Variants in NBEA observed in about 807,000 individuals in gnomAD.
NBEA encodes neurobeachin, also known as lysosomal-trafficking regulator 2.
In NBEA, 44 loss-of-function variants were observed where a neutral mutation model predicts 343.4. The ratio of observed to expected loss-of-function variants is 0.13; its 90% CI spans 0.10 to 0.16. NBEA has a LOEUF of 0.16. NBEA is among the 10% of genes least tolerant of loss of function. The pLI is 1.00. For synonymous variants in NBEA, 1,175 were observed against 1,238.7 expected, an observed-to-expected ratio of 0.95 and a Z score of 1.08; for missense variants, 2,555 against 3,631.3, an observed-to-expected ratio of 0.70 and a Z score of 7.62.
chr13:34,982,694 A>G (rs2060398281), intron 1 of NBEA, among the ~76,000 whole-genome samples: 1 of 152,148 alleles, frequency 6.6e-6, no homozygotes, highest in East Asian at 1.9e-4. Context: ...GGCTCATCAT[A>G]TATTTCCTGT....
chr13:35,611,363 G>C (rs956433550), intron 48 of NBEA, among the ~76,000 whole-genome samples: 1 of 152,114 alleles, frequency 6.6e-6, no homozygotes, highest in African/African-American at 2.4e-5. Context: ...CCATAAAAAA[G>C]AACCAAGCAC....
chr13:34,989,907 G>T (rs2060690589), intron 1 of NBEA, among the ~76,000 whole-genome samples: 1 of 150,916 alleles, frequency 6.6e-6, no homozygotes, highest in Non-Finnish European at 1.5e-5. Flanking sequence ...GGAGAAATCG[G>T]CCAAAACAAA....
chr13:35,603,643 G>A (rs557580834), intron 47 of NBEA, among the ~76,000 whole-genome samples: 32 of 152,218 alleles, frequency 2.1e-4, no homozygotes, highest in Non-Finnish European at 4.0e-4. Flanking sequence ...AGATATATAC[G>A]TTCCTCTCTG....
At chr13:35,142,647 C>T (rs1479324862) in intron 18 of NBEA, among the ~76,000 whole-genome samples, 1 of 152,174 alleles carries the variant, frequency 6.6e-6, no homozygotes, top group African/African-American at 2.4e-5. Context: ...GTCTTTCTCA[C>T]ATAAACTACA....
chr13:35,437,617 C>A (rs966348772), intron 39 of NBEA, among the ~76,000 whole-genome samples: 3 of 151,948 alleles, frequency 2.0e-5, no homozygotes, highest in African/African-American at 7.2e-5. Flanking sequence ...TCTAATTTTG[C>A]GTGTATTTAA....
At chr13:35,374,096 T>TA (rs971627431) in intron 38 of NBEA, among the ~76,000 whole-genome samples, 15 of 152,360 alleles carry the variant, frequency 9.8e-5, no homozygotes, top group Non-Finnish European at 1.3e-4. Context: ...CCTTCCTCAC[T>TA]AAACTTAATC....
At chr13:35,467,549 C>G (rs760501575) in intron 40 of NBEA, among the ~76,000 whole-genome samples, 6 of 151,556 alleles carry the variant, frequency 4.0e-5, no homozygotes, top group Non-Finnish European at 8.8e-5. Context: ...TATTTCCCTA[C>G]AATGTATACC....
chr13:34,999,034 A>G (rs1447889294), intron 1 of NBEA, among the ~76,000 whole-genome samples: 2 of 152,156 alleles, frequency 1.3e-5, no homozygotes, highest in Non-Finnish European at 2.9e-5. Flanking sequence ...TTCTTCTGCC[A>G]TGGCTTCAGC....
At chr13:35,177,186 T>C (rs1231620618) in intron 28 of NBEA, 83 bp downstream of exon 28, 2 of 1,044,562 alleles carry the variant, frequency 1.9e-6, no homozygotes, top group Admixed American at 2.1e-5. Context: ...AAGCTGCTTA[T>C]GAAAACGACA....
At chr13:35,359,187 A>G (rs1362565983) in intron 38 of NBEA, among the ~76,000 whole-genome samples, 2 of 152,232 alleles carry the variant, frequency 1.3e-5, no homozygotes, top group East Asian at 1.9e-4. Flanking sequence ...ATGTGAAGAC[A>G]CATATGCAGG....
chr13:35,103,532 G>C (rs565477076), intron 11 of NBEA, among the ~76,000 whole-genome samples: 1 of 151,454 alleles, frequency 6.6e-6, no homozygotes, highest in African/African-American at 2.4e-5. Context: ...CATCTACACA[G>C]TACCTTACTC....
chr13:35,225,163 G>T (rs1187192004), intron 33 of NBEA, among the ~76,000 whole-genome samples: 1 of 152,116 alleles, frequency 6.6e-6, no homozygotes, highest in Non-Finnish European at 1.5e-5. Context: ...CAAGCCTGGT[G>T]TTCAAGGGTT....
intron 40 of NBEA, among the ~76,000 whole-genome samples, chr13:35,472,106 G>A (rs968215279): frequency 2.6e-5 from 4 of 152,158 alleles, no homozygotes; most frequent in African/African-American, 9.7e-5. Context: ...GCACTTTTAA[G>A]TAAGTTAATG....
In NBEA at chr13:35,195,953, A is replaced by G. The variant is rs770598892; in HGVS notation, c.5017A>G (p.Thr1673Ala). The G allele has an allele frequency of 8.1e-6, 13 of 1,613,348 alleles. No homozygotes were observed. Among genetic ancestry groups the G allele is most frequent in the Non-Finnish European group, 1.0e-5 (12 of 1,179,590 alleles). Residue 1673 changes from threonine (T) to alanine (A), a missense_variant, in exon 31 of 59, where the codon ACA becomes GCA. Physicochemically the swap from Thr to Ala is moderately conservative, Grantham distance 58 (BLOSUM62 0). This residue lies in a region of NBEA where 270 missense variants were observed against 293.3 expected (regional missense o/e 0.92). Coordinates refer to ENST00000379939, the MANE Select transcript of NBEA (RefSeq NM_001385012.1). ...TCAGGTAGAAAGTTCAATTCCCCAT[A>G]CAGATTCAGGAATTGGAGAGGAGCA... ...DIQVESSIPH[T>A]DSGIGEEQVA...
At position 35,221,254 on chromosome 13, in the gene NBEA, G is replaced by T. The variant is rs536126571; in HGVS notation, c.5648+10075G>T. Among the ~76,000 whole-genome samples the T allele has an allele frequency of 2.0e-5, 3 of 151,514 alleles. No individual in the cohort carries two copies. In the South Asian group the frequency reaches 6.3e-4, roughly 32 times the overall value. On this transcript the variant is annotated intron_variant, in intron 33 of 58. Coordinates refer to ENST00000379939, the MANE Select transcript of NBEA (RefSeq NM_001385012.1). ...AGCTACTTGGGAGGCTGAGGCAGAA[G>T]AATTGTTTGAACCCAGGAGGCCAAG...
chr13:34,943,117 A>G lies in NBEA; in HGVS notation c.294+3A>G. 1 of 1,613,200 alleles carries G rather than the reference A, an allele frequency of 6.2e-7. No individual in the cohort carries two copies. The highest frequency in any genetic ancestry group is 8.5e-7 in the Non-Finnish European group (1 of 1,179,628). On this transcript the variant is annotated splice_donor_region_variant and intron_variant, in intron 1 of 58. Transcript: ENST00000379939. ...TCGTGGAGACGGTGCTCAACCTGGT[A>G]AGGAAAAGGCGTGCTCTCAATCTGC...
intron 41 of NBEA, among the ~76,000 whole-genome samples, chr13:35,539,996 G>A (rs2078746869): frequency 7.0e-6 from 1 of 143,348 alleles, no homozygotes; most frequent in Admixed American, 7.1e-5. Context: ...ATAAAGAAAT[G>A]TTAACTAGAG....
chr13:35,594,888 A>C (rs17052488), intron 47 of NBEA, among the ~76,000 whole-genome samples: 4,819 of 151,758 alleles, frequency 0.032, 287 homozygotes, highest in African/African-American at 0.11. Context: ...TCAGAGCTAT[A>C]TCCATATTAT....
intron 1 of NBEA, among the ~76,000 whole-genome samples, chr13:35,012,864 A>G (rs1343546067): frequency 6.6e-6 from 1 of 152,146 alleles, no homozygotes; most frequent in Non-Finnish European, 1.5e-5. Flanking sequence ...TTTCTACATT[A>G]TTGAAAAAAG....
Sources: allele counts gnomAD v4.1 joint callset (sites outside exome capture counted in the v4.1 genomes callset), GRCh38; gene constraint gnomAD v4.1.1; regional missense constraint gnomAD v4.1.1; transcripts MANE v1.5; gene names NCBI Gene and HGNC (gene_info 2026-07-23, HGNC 2026-07-21).